The following SHISA9 variants were observed in gnomAD, a reference collection of about 807,000 sequenced individuals.
SHISA9 encodes shisa family member 9, also known as protein shisa-9.
A neutral mutation model predicts 38.0 loss-of-function variants in SHISA9; 13 were observed. The observed-to-expected ratio is 0.34, with a 90% confidence interval of 0.22 to 0.54. The LOEUF (loss-of-function observed/expected upper bound fraction) is 0.54, where lower values mean the gene tolerates loss of function less well. SHISA9 is among the 20% of genes least tolerant of loss of function. The pLI is 0.91. For synonymous variants in SHISA9, 275 were observed against 242.0 expected, an observed-to-expected ratio of 1.14 and a Z score of -1.27; for missense variants, 538 against 575.8, an observed-to-expected ratio of 0.93 and a Z score of 0.67.
intron 2 of SHISA9, among the ~76,000 whole-genome samples, chr16:12,960,187 T>A (rs2071890646): frequency 1.3e-5 from 2 of 152,260 alleles, no homozygotes; most frequent in Admixed American, 1.3e-4. Context: ...CCACTTAGAC[T>A]GCAAACAAGA....
At chr16:13,350,453 A>G in the SHISA9 span, 2 of 152,012 alleles carry the variant, frequency 1.3e-5, no homozygotes, top group African/African-American at 2.4e-5. Context: ...ATCACTTCTC[A>G]TATCTTTCTC....
At chr16:13,557,326 C>T in the SHISA9 span, among the ~76,000 whole-genome samples, 6 of 152,190 alleles carry the variant, frequency 3.9e-5, no homozygotes, top group African/African-American at 1.4e-4. Flanking sequence ...AAAATACAAT[C>T]TACAAATTCC....
the SHISA9 span, among the ~76,000 whole-genome samples, chr16:13,315,649 G>A: frequency 6.6e-6 from 1 of 152,194 alleles, no homozygotes; most frequent in Non-Finnish European, 1.5e-5. Context: ...ATGTTAATAG[G>A]ATACCTACCT....
chr16:13,329,470 C>G, the SHISA9 span, among the ~76,000 whole-genome samples: 2 of 152,114 alleles, frequency 1.3e-5, no homozygotes, highest in African/African-American at 4.8e-5. Flanking sequence ...ATTGTTGATC[C>G]TAATTCTTCA....
At chr16:13,462,221 C>T in the SHISA9 span, among the ~76,000 whole-genome samples, 1 of 151,478 alleles carries the variant, frequency 6.6e-6, no homozygotes, top group African/African-American at 2.4e-5. Flanking sequence ...GCCTGGGCAA[C>T]ATGGTGAGAC....
chr16:13,528,832 A>C, the SHISA9 span, among the ~76,000 whole-genome samples: 1 of 152,246 alleles, frequency 6.6e-6, no homozygotes, highest in South Asian at 2.1e-4. Context: ...AAAAGTGGTC[A>C]CAGCTCCTTT....
rs2051416213 is a variant in SHISA9 at position 13,239,376 on chromosome 16, G to A, written c.*3967G>A. On this transcript the variant is annotated 3_prime_UTR_variant, in exon 5 of 5. Coordinates refer to ENST00000558583, the MANE Select transcript of SHISA9 (RefSeq NM_001145204.3). Reference sequence around the variant, plus strand: ...CAGTAATGGGATGGCTGGGTCAAATGGTATTTCTAGTTCTAGATCCCTGAG... The same window carrying A: ...CAGTAATGGGATGGCTGGGTCAAATAGTATTTCTAGTTCTAGATCCCTGAG... 1 of 150,878 alleles carries A rather than the reference G, an allele frequency of 6.6e-6. No individual in the cohort carries two copies. Among genetic ancestry groups the A allele is most frequent in the Non-Finnish European group, 1.5e-5 (1 of 67,754 alleles). The allele number at this position is 150,878 out of a possible 1,614,324, so 9.3% of individuals were successfully genotyped here.
chr16:13,247,464 A>G, the SHISA9 span, among the ~76,000 whole-genome samples: 1 of 152,226 alleles, frequency 6.6e-6, no homozygotes, highest in South Asian at 2.1e-4. Context: ...AAGGTCACAG[A>G]GCAAGTGCTG....
At chr16:12,981,372 G>T (rs1004673933) in intron 2 of SHISA9, among the ~76,000 whole-genome samples, 3 of 152,232 alleles carry the variant, frequency 2.0e-5, no homozygotes, top group African/African-American at 7.2e-5. Flanking sequence ...AATGGCAGGG[G>T]AGCAGACAGA....
At chr16:13,531,236 T>C in the SHISA9 span, among the ~76,000 whole-genome samples, 1 of 152,060 alleles carries the variant, frequency 6.6e-6, no homozygotes, top group South Asian at 2.1e-4. Context: ...CACATGTAAA[T>C]TGCTTGTCCC....
chr16:13,354,426 G>A, the SHISA9 span, among the ~76,000 whole-genome samples: 1 of 150,964 alleles, frequency 6.6e-6, no homozygotes. Flanking sequence ...TGGGGGTCAG[G>A]TGTGGTATCA....
intron 2 of SHISA9, among the ~76,000 whole-genome samples, chr16:12,944,096 AAT>A (rs542886164): frequency 3.6e-4 from 55 of 152,244 alleles, no homozygotes; most frequent in Non-Finnish European, 4.7e-4. Context: ...ATGATAACCA[AAT>A]ATGTCTCTAG....
chr16:13,293,441 A>C, the SHISA9 span, among the ~76,000 whole-genome samples: 1 of 152,256 alleles, frequency 6.6e-6, no homozygotes, highest in African/African-American at 2.4e-5. Context: ...CAGACTCAAA[A>C]CGTAGACATC....
the SHISA9 span, among the ~76,000 whole-genome samples, chr16:13,470,886 A>G: frequency 1.3e-5 from 2 of 152,106 alleles, no homozygotes; most frequent in African/African-American, 2.4e-5. Context: ...TGCCCCCAAA[A>G]TGAGACCTGA....
At chr16:13,063,671 G>GA (rs1263963277) in intron 2 of SHISA9, among the ~76,000 whole-genome samples, 6 of 152,108 alleles carry the variant, frequency 3.9e-5, no homozygotes, top group African/African-American at 1.2e-4. Flanking sequence ...ACTTTCCAGC[G>GA]AGAGTCAGTG....
chr16:12,916,109 C>T (rs1378301514), intron 1 of SHISA9, among the ~76,000 whole-genome samples: 5 of 143,464 alleles, frequency 3.5e-5, no homozygotes, highest in African/African-American at 1.3e-4. Context: ...TCCAAAAATA[C>T]TCAGGCTCAA....
intron 2 of SHISA9, among the ~76,000 whole-genome samples, chr16:12,975,005 G>T (rs1020042305): frequency 6.6e-6 from 1 of 152,060 alleles, no homozygotes; most frequent in African/African-American, 2.4e-5. Flanking sequence ...TAACCTACAT[G>T]CACAATATTT....
At chr16:13,108,298 G>A (rs191087410) in intron 2 of SHISA9, among the ~76,000 whole-genome samples, 5 of 151,930 alleles carry the variant, frequency 3.3e-5, no homozygotes, top group African/African-American at 1.2e-4. Flanking sequence ...TTGGCTAATT[G>A]TTTTGTTTTT....
At chr16:13,297,291 T>G in the SHISA9 span, among the ~76,000 whole-genome samples, 1 of 152,242 alleles carries the variant, frequency 6.6e-6, no homozygotes, top group South Asian at 2.1e-4. Context: ...GCTATTCCTA[T>G]GGGTCACATG....
Sources: allele counts gnomAD v4.1 joint callset (sites outside exome capture counted in the v4.1 genomes callset), GRCh38; gene constraint gnomAD v4.1.1; transcripts MANE v1.5; gene names NCBI Gene and HGNC (gene_info 2026-07-23, HGNC 2026-07-21).